The following CCL20 variants were observed in gnomAD, a reference collection of about 807,000 sequenced individuals.
The protein encoded by CCL20 is C-C motif chemokine 20.
CCL20 carries 8 observed loss-of-function variants against 10.8 expected under a neutral mutation model. That is an observed-to-expected ratio of 0.74 (90% confidence interval 0.44 to 1.34). The LOEUF (loss-of-function observed/expected upper bound fraction) is 1.34. Ranked by LOEUF, CCL20 falls within the 40% of genes most tolerant of loss-of-function variation. CCL20 has a pLI of 0.01. For missense variants in CCL20, 107 were observed against 117.9 expected, an observed-to-expected ratio of 0.91 and a Z score of 0.43; for synonymous variants, 40 against 39.4, an observed-to-expected ratio of 1.02 and a Z score of -0.06.
rs1368274325 is a variant in CCL20 at position 227,813,955 on chromosome 2, T to C, written c.44T>C (p.Val15Ala). Reference protein sequence around the residue: ...KSLLLAALMSVLLLHLCGESE... With the variant: ...KSLLLAALMSALLLHLCGESE... ...TTGCTCCTGGCTGCTTTGATGTCAGTGCTGCTACTCCACCTCTGCGGCGAA... is the reference window on the plus strand; with the variant it reads ...TTGCTCCTGGCTGCTTTGATGTCAGCGCTGCTACTCCACCTCTGCGGCGAA... Residue 15 changes from valine (V) to alanine (A), a missense_variant, in exon 1 of 4, where the codon GTG (valine) becomes GCG (alanine). By Grantham distance (64) the Val-to-Ala change is moderately conservative. Coordinates refer to ENST00000358813, the MANE Select transcript of CCL20 (RefSeq NM_004591.3). The C allele has an allele frequency of 6.2e-7, 1 of 1,614,054 alleles. No individual in the cohort carries two copies. The highest frequency in any genetic ancestry group is 8.5e-7 in the Non-Finnish European group (1 of 1,179,986).
At chr2:227,816,040 G>A (rs1690020597) in intron 2 of CCL20, 1 of 423,246 alleles carries the variant, frequency 2.4e-6, no homozygotes, top group East Asian at 4.3e-5. Context: ...CATATTCTAT[G>A]TAACCACCAA....
At position 227,815,452 on chromosome 2, in the gene CCL20, AGC is replaced by A; in HGVS notation, c.77-1_77del. The A allele has an allele frequency of 7.2e-7, 1 of 1,394,646 alleles. No individual in the cohort carries two copies. Among genetic ancestry groups the A allele is most frequent in the Admixed American group, 2.1e-5 (1 of 46,592 alleles). 86.4% of individuals were successfully genotyped at this position (1,394,646 alleles called of 1,614,324 possible). ...ATACCTTTCACTTTTTTTTTTTTTT[AGC>A]AGCAAGCAACTTTGACTGCTGTCTT... On this transcript the variant is annotated splice_acceptor_variant and coding_sequence_variant, in exon 2 of 4. Coordinates refer to ENST00000358813, the MANE Select transcript of CCL20 (RefSeq NM_004591.3). LOFTEE classifies it high-confidence loss of function.
chr2:227,817,237 T>A lies in CCL20; in HGVS notation c.*154T>A, dbSNP rs1690036003. On this transcript the variant is annotated 3_prime_UTR_variant, in exon 4 of 4. Coordinates refer to ENST00000358813, the MANE Select transcript of CCL20 (RefSeq NM_004591.3). ...GTCCAATTAATGAAGTTGATTCATA[T>A]TGCATCATAGTTTGCTTTGTTTAAG... The A allele has an allele frequency of 3.6e-6, 2 of 548,956 alleles. No homozygotes were observed. The highest frequency in any genetic ancestry group is 5.7e-5 in the East Asian group (2 of 35,112). The allele number at this position is 548,956 out of a possible 1,614,324, so 34.0% of individuals were successfully genotyped here.
chr2:227,814,085 T>C, intron 1 of CCL20, 98 bp downstream of exon 1: 1 of 1,009,336 alleles, frequency 9.9e-7, no homozygotes, highest in South Asian at 1.3e-5. Flanking sequence ...TGGAAAACTG[T>C]TAGGAAGTAT....
intron 3 of CCL20, 56 bp from the exon 4 acceptor site, chr2:227,817,006 C>A: frequency 7.1e-7 from 1 of 1,406,344 alleles, no homozygotes; most frequent in Non-Finnish European, 1.0e-6. Context: ...CAAAGTCATT[C>A]CCACCATGCA....
chr2:227,816,347 A>C lies in CCL20; in HGVS notation c.232A>C (p.Lys78Gln), dbSNP rs1280118412. The C allele has an allele frequency of 6.2e-7, 1 of 1,611,356 alleles. No individual in the cohort carries two copies. The highest frequency in any genetic ancestry group is 1.7e-5 in the Admixed American group (1 of 59,944). ...AAAGTTGTCTGTGTGCGCAAATCCA[A>C]AACAGACTTGGGTGAAATATATTGT... Reference protein sequence around the residue: ...KKKLSVCANPKQTWVKYIVRL... With the variant: ...KKKLSVCANPQQTWVKYIVRL... The change falls in exon 3 of 4, where the codon AAA (lysine) becomes CAA (glutamine). Residue 78 changes from lysine (K) to glutamine (Q), a missense_variant. Coordinates refer to ENST00000358813, the MANE Select transcript of CCL20 (RefSeq NM_004591.3).
At chr2:227,815,183 A>C (rs1346532522) in intron 1 of CCL20, among the ~76,000 whole-genome samples, 1 of 152,210 alleles carries the variant, frequency 6.6e-6, no homozygotes, top group East Asian at 1.9e-4. Flanking sequence ...TATCCCACTT[A>C]TGAGAAGTCC....
rs951170898 is a variant in CCL20 at position 227,815,295 on chromosome 2, A to G, written c.77-159A>G. 1.0e-5 allele frequency: 5 copies of G among 489,018 alleles called. No individual in the cohort carries two copies. In the Admixed American group the frequency reaches 1.9e-4, roughly 19 times the overall value. The allele number at this position is 489,018 out of a possible 1,614,324, so 30.3% of individuals were successfully genotyped here. On this transcript the variant is annotated intron_variant, in intron 1 of 3. Coordinates refer to ENST00000358813, the MANE Select transcript of CCL20 (RefSeq NM_004591.3). ...TAGATTGGTTCTCAACGACCTTACA[A>G]AGGTTTCCAAGACATTGAAACTCCT...
In CCL20 at chr2:227,816,241, T is replaced by C. The variant is rs1233120049; in HGVS notation, c.192-66T>C. 10 of 883,322 alleles carry C rather than the reference T, an allele frequency of 1.1e-5. No individual in the cohort carries two copies. In the East Asian group the frequency reaches 1.7e-4, roughly 15 times the overall value. The allele number at this position is 883,322 out of a possible 1,614,324, so 54.7% of individuals were successfully genotyped here. On this transcript the variant is annotated intron_variant, in intron 2 of 3. Coordinates refer to ENST00000358813, the MANE Select transcript of CCL20 (RefSeq NM_004591.3). Reference sequence around the variant, plus strand: ...ATCAACTGGAATATAAAATTTCCATTGTATGTTCTATGAAAAACCCATTGA... The same window carrying C: ...ATCAACTGGAATATAAAATTTCCATCGTATGTTCTATGAAAAACCCATTGA...
chr2:227,814,773 T>C (rs1397195281), intron 1 of CCL20, among the ~76,000 whole-genome samples: 3 of 149,270 alleles, frequency 2.0e-5, no homozygotes, highest in Non-Finnish European at 3.0e-5. Context: ...TTTTTTTTTG[T>C]AGAGACAGGG....
chr2:227,817,180 A>C lies in CCL20; in HGVS notation c.*97A>C. 1.2e-6 allele frequency: 1 copy of C among 857,086 alleles called. No individual in the cohort carries two copies. Among genetic ancestry groups the C allele is most frequent in the Non-Finnish European group, 1.9e-6 (1 of 522,392 alleles). 53.1% of individuals were successfully genotyped at this position (857,086 alleles called of 1,614,324 possible). On this transcript the variant is annotated 3_prime_UTR_variant, in exon 4 of 4. Coordinates refer to ENST00000358813, the MANE Select transcript of CCL20 (RefSeq NM_004591.3). ...TTCACTTGCACATCATGGAGGGTTT[A>C]GTGCTTATCTAATTTGTGCCTCACT... is the stretch of plus-strand genomic sequence containing the variant.
At chr2:227,816,409 T>C in intron 3 of CCL20, 25 bp downstream of exon 3, 2 of 1,368,632 alleles carry the variant, frequency 1.5e-6, no homozygotes, top group African/African-American at 1.4e-5. Flanking sequence ...CATTTAGCCT[T>C]TGCAAATGTT....
rs185328021 is a variant in CCL20 at position 227,817,436 on chromosome 2, A to T, written c.*353A>T. ...TCTTGCAAGCAACAAGCTATTTTTT[A>T]AAAAAAACTATTTAACATTCTTTTG... On this transcript the variant is annotated 3_prime_UTR_variant, in exon 4 of 4. Coordinates refer to ENST00000358813, the MANE Select transcript of CCL20 (RefSeq NM_004591.3). 3.2e-3 allele frequency: 518 copies of T among 162,296 alleles called. 2 individuals are homozygous for T. The highest frequency in any genetic ancestry group is 0.011 in the African/African-American group (447 of 40,156). The allele number at this position is 162,296 out of a possible 1,614,324, so 10.1% of individuals were successfully genotyped here. A position where few individuals can be genotyped will look rare whatever the true frequency, so the allele number is the denominator to read the frequency against.
In CCL20 at chr2:227,813,927, A is replaced by G. The variant is rs746428450; in HGVS notation, c.16A>G (p.Ser6Gly). 4.3e-6 allele frequency: 7 copies of G among 1,613,934 alleles called. 1 individual carries two copies. In the South Asian group the frequency reaches 7.7e-5, roughly 18 times the overall value. MCCTK[S>G]LLLAALMSVL... ...GCTAAAAACCATGTGCTGTACCAAG[A>G]GTTTGCTCCTGGCTGCTTTGATGTC... Residue 6 changes from serine (S) to glycine (G), a missense_variant, in exon 1 of 4, where the codon AGT becomes GGT. Coordinates refer to ENST00000358813, the MANE Select transcript of CCL20 (RefSeq NM_004591.3).
intron 1 of CCL20, among the ~76,000 whole-genome samples, chr2:227,814,738 A>T (rs566569922): frequency 6.6e-6 from 1 of 150,614 alleles, no homozygotes; most frequent in East Asian, 2.0e-4. Flanking sequence ...TGTGCCACTC[A>T]CCTGGCTAAT....
intron 3 of CCL20, 140 bp from the exon 4 acceptor site, chr2:227,816,922 T>C (rs1690032817): frequency 1.5e-6 from 1 of 674,974 alleles, no homozygotes; most frequent in South Asian, 1.9e-5. Context: ...TAAACCTCAA[T>C]TTCCTCATCT....
chr2:227,813,968 C>T lies in CCL20; in HGVS notation c.57C>T (p.His19=), dbSNP rs774014346. 2.5e-6 allele frequency: 4 copies of T among 1,614,008 alleles called. No homozygotes were observed. Among genetic ancestry groups the T allele is most frequent in the East Asian group, 4.5e-5 (2 of 44,878 alleles). Residue 19 remains histidine (H), a synonymous_variant, in exon 1 of 4, where the codon CAC becomes CAT. Coordinates refer to ENST00000358813, the MANE Select transcript of CCL20 (RefSeq NM_004591.3). ...CTTTGATGTCAGTGCTGCTACTCCA[C>T]CTCTGCGGCGAATCAGAAGGTAAGT... ...LAALMSVLLL[H]LCGESEAASN... is the part of the protein sequence containing the mutation.
At chr2:227,815,369 A>G (rs1458762628) in intron 1 of CCL20, 85 bp from the exon 2 acceptor site, 2 of 684,290 alleles carry the variant, frequency 2.9e-6, no homozygotes, top group East Asian at 2.6e-5. Context: ...TAGATTTTTC[A>G]CAACTTAAGG....
chr2:227,814,971 TC>T (rs1412325069), intron 1 of CCL20, among the ~76,000 whole-genome samples: 3 of 152,236 alleles, frequency 2.0e-5, no homozygotes, highest in East Asian at 3.9e-4. Flanking sequence ...CTCCTATAAA[TC>T]ATATTTCCCT....
Sources: allele counts gnomAD v4.1 joint callset (sites outside exome capture counted in the v4.1 genomes callset), GRCh38; gene constraint gnomAD v4.1.1; transcripts MANE v1.5; gene names NCBI Gene and HGNC (gene_info 2026-07-23, HGNC 2026-07-21).